The following FOXN3 variants were observed in gnomAD, a reference collection of about 807,000 sequenced individuals.
FOXN3 encodes the protein forkhead box N3.
Under a neutral mutation model 38.4 loss-of-function variants are expected in FOXN3, and 7 were observed. The observed-to-expected ratio is 0.18, with a 90% confidence interval of 0.10 to 0.34. The LOEUF (loss-of-function observed/expected upper bound fraction) is 0.34. Among genes scored for constraint, FOXN3 ranks in the 10% least tolerant of loss-of-function variants. FOXN3 has a pLI of 1.00. For missense variants in FOXN3, 456 were observed against 613.4 expected, an observed-to-expected ratio of 0.74 and a Z score of 2.71; for synonymous variants, 230 against 242.2, an observed-to-expected ratio of 0.95 and a Z score of 0.47.
chr14:89,383,031 T>TTG (rs1890697850), intron 2 of FOXN3, among the ~76,000 whole-genome samples: 1 of 62,186 alleles, frequency 1.6e-5, no homozygotes. Context: ...TGGGTGGTGT[T>TTG]TTTTTTTTTT....
chr14:89,485,409 C>T (rs796283493), intron 1 of FOXN3, among the ~76,000 whole-genome samples: 4 of 152,276 alleles, frequency 2.6e-5, no homozygotes, highest in African/African-American at 9.6e-5. Context: ...ATGCTTCCTC[C>T]CCTGCAGCTC....
chr14:89,457,139 GGCGATA>G (rs1892743011), intron 1 of FOXN3, among the ~76,000 whole-genome samples: 2 of 152,154 alleles, frequency 1.3e-5, no homozygotes, highest in Non-Finnish European at 2.9e-5. Context: ...TAAACAACAT[GGCGATA>G]GCCTCTTTAA....
At chr14:89,263,050 C>T (rs985464442) in intron 4 of FOXN3, among the ~76,000 whole-genome samples, 5 of 152,134 alleles carry the variant, frequency 3.3e-5, no homozygotes, top group Non-Finnish European at 5.9e-5. Context: ...TTTAAATCTC[C>T]AAAGTTTTCA....
chr14:89,307,550 G>C (rs1053690302), intron 3 of FOXN3, among the ~76,000 whole-genome samples: 1 of 152,128 alleles, frequency 6.6e-6, no homozygotes, highest in African/African-American at 2.4e-5. Flanking sequence ...AATTTGGACA[G>C]GCTCTCGTGA....
At chr14:89,315,803 C>T (rs1596177388) in intron 3 of FOXN3, among the ~76,000 whole-genome samples, 3 of 152,126 alleles carry the variant, frequency 2.0e-5, no homozygotes, top group Admixed American at 6.6e-5. Context: ...GGACTGAGTG[C>T]CCATCAATCT....
At position 89,160,453 on chromosome 14, in the gene FOXN3, C is replaced by T. The variant is rs1887071836; in HGVS notation, c.*1961G>A. The T allele has an allele frequency of 6.6e-6, 1 of 152,552 alleles. No individual in the cohort carries two copies. Among genetic ancestry groups the T allele is most frequent in the African/African-American group, 2.4e-5 (1 of 41,420 alleles). 9.4% of individuals were successfully genotyped at this position (152,552 alleles called of 1,614,324 possible). On this transcript the variant is annotated 3_prime_UTR_variant, in exon 6 of 6. Transcript: ENST00000557258. ...TTTCCTACCTCGGCATCGCTTCCTC[C>T]TTCACATGAACCCCATCTCGTCCCC...
At position 89,164,264 on chromosome 14, in the gene FOXN3, C is replaced by T. The variant is rs186109251; in HGVS notation, c.852-1295G>A. Among the ~76,000 whole-genome samples, 14 of 152,180 alleles carry T rather than the reference C, an allele frequency of 9.2e-5. No homozygotes were observed. The East Asian group carries it at 1.9e-3, about 21-fold the overall frequency. ...GAGGGTCACTTGTAGCTGAAGGGGA[C>T]GAAGGGTGGACGCCAGGGAATGTTT... On this transcript the variant is annotated intron_variant, in intron 5 of 5. Coordinates refer to ENST00000557258, the MANE Select transcript of FOXN3 (RefSeq NM_005197.4). The surrounding 1 kb of genome is among the most constrained non-coding windows in gnomAD (Gnocchi z 4.3).
intron 4 of FOXN3, among the ~76,000 whole-genome samples, chr14:89,224,384 A>T (rs954048850): frequency 6.6e-6 from 1 of 152,252 alleles, no homozygotes; most frequent in African/African-American, 2.4e-5. Context: ...GAGATCTGTG[A>T]ACACCTGTCA....
At chr14:89,561,496 G>A (rs963292633) in intron 1 of FOXN3, among the ~76,000 whole-genome samples, 65 of 152,250 alleles carry the variant, frequency 4.3e-4, no homozygotes, top group African/African-American at 1.5e-3. Context: ...ACAGGCGTGA[G>A]CCACCACGCT....
At chr14:89,458,870 C>T (rs1199284822) in intron 1 of FOXN3, among the ~76,000 whole-genome samples, 1 of 152,174 alleles carries the variant, frequency 6.6e-6, no homozygotes, top group Non-Finnish European at 1.5e-5. Context: ...ATTCACCACG[C>T]TCAGTCCAGC....
chr14:89,374,122 G>A (rs956262153), intron 2 of FOXN3, among the ~76,000 whole-genome samples: 3 of 151,766 alleles, frequency 2.0e-5, no homozygotes, highest in Admixed American at 6.6e-5. Flanking sequence ...AAAAATTAAC[G>A]GCATGATGGT....
At position 89,157,730 on chromosome 14, in the gene FOXN3, A is replaced by T. The variant is rs1163568753; in HGVS notation, c.*4684T>A. 1 of 152,664 alleles carries T rather than the reference A, an allele frequency of 6.6e-6. No homozygotes were observed. The highest frequency in any genetic ancestry group is 1.5e-5 in the Non-Finnish European group (1 of 68,038). The allele number at this position is 152,664 out of a possible 1,614,324, so 9.5% of individuals were successfully genotyped here. On this transcript the variant is annotated 3_prime_UTR_variant, in exon 6 of 6. Coordinates refer to ENST00000557258, the MANE Select transcript of FOXN3 (RefSeq NM_005197.4). ...GGTTATATAGCAAAAGTGTTGATGTATATTATATATAGTAGTATAAATAAT... is the reference window on the plus strand; with the variant it reads ...GGTTATATAGCAAAAGTGTTGATGTTTATTATATATAGTAGTATAAATAAT...
chr14:89,596,698 T>C (rs1412477562), intron 1 of FOXN3, among the ~76,000 whole-genome samples: 1 of 152,208 alleles, frequency 6.6e-6, no homozygotes, highest in Non-Finnish European at 1.5e-5. Context: ...TACATATTCA[T>C]GAGGAGACAT....
chr14:89,593,787 T>G (rs1896003562), intron 1 of FOXN3, among the ~76,000 whole-genome samples: 1 of 152,176 alleles, frequency 6.6e-6, no homozygotes, highest in Admixed American at 6.5e-5. Flanking sequence ...TATTTTATTT[T>G]TTGTAGAGAT....
intron 1 of FOXN3, among the ~76,000 whole-genome samples, chr14:89,462,870 G>A (rs1456274063): frequency 6.6e-6 from 1 of 150,984 alleles, no homozygotes; most frequent in Non-Finnish European, 1.5e-5. Context: ...ATTTTTAGTA[G>A]AGACGGGGTT....
intron 4 of FOXN3, among the ~76,000 whole-genome samples, chr14:89,185,193 T>C (rs1887772014): frequency 1.3e-5 from 2 of 152,210 alleles, no homozygotes; most frequent in Non-Finnish European, 2.9e-5. Context: ...GTCTTCTCCA[T>C]GGAGAGATGG....
chr14:89,437,084 C>T (rs190556778), intron 1 of FOXN3, among the ~76,000 whole-genome samples: 156 of 151,830 alleles, frequency 1.0e-3, no homozygotes, highest in African/African-American at 3.7e-3. Context: ...GAGGCTGAGA[C>T]AGGAGAATCA....
intron 1 of FOXN3, among the ~76,000 whole-genome samples, chr14:89,568,167 C>T (rs17126058): frequency 0.07 from 10,587 of 152,078 alleles, 524 homozygotes; most frequent in African/African-American, 0.12. Context: ...CTTTGTTTCC[C>T]TCCCCGCTTC....
intron 4 of FOXN3, among the ~76,000 whole-genome samples, chr14:89,249,478 C>A (rs529568030): frequency 6.6e-6 from 1 of 152,228 alleles, no homozygotes; most frequent in Non-Finnish European, 1.5e-5. Context: ...CACCGTGATA[C>A]TACTAAATAC....
Sources: gnomAD v4.1 joint callset for allele counts (sites outside exome capture counted in the v4.1 genomes callset) on GRCh38, gnomAD v4.1.1 for gene constraint, Gnocchi (gnomAD v3.1) non-coding constraint, MANE v1.5 for transcripts, NCBI Gene and HGNC (gene_info 2026-07-23, HGNC 2026-07-21) for gene names.